NRAP: variants seen among roughly 807,000 people sequenced by gnomAD.
NRAP encodes nebulin related anchoring protein.
NRAP carries 189 observed loss-of-function variants against 225.9 expected under a neutral mutation model. The ratio of observed to expected loss-of-function variants is 0.84; its 90% CI spans 0.74 to 0.94. The LOEUF (loss-of-function observed/expected upper bound fraction) is 0.94, where lower values mean the gene tolerates loss of function less well. Among genes scored for constraint, NRAP ranks in the 40% least tolerant of loss-of-function variants. The pLI, the probability that NRAP is intolerant of heterozygous loss-of-function variation, is 0.00. For missense variants in NRAP, 2,176 were observed against 2,168.7 expected (o/e 1.00, Z -0.07); for synonymous variants, 769 against 790.7 (o/e 0.97, Z 0.46).
Position 113,621,875 on chromosome 10 carries a change from CTG to C in NRAP, c.2761_2762del (p.Gln921GlufsTer2). ...VEWAKKAYGL[Q>X]SDNQYRADVK... The stretch of plus-strand genomic sequence containing the variant: ...ACACTCACACAGAGCTTACATCACT[CTG>C]TAAGCCATAAGCCTTCTTGGCCCAT... On this transcript the variant is annotated frameshift_variant, in exon 24 of 42. Transcript: ENST00000359988. LOFTEE classifies it high-confidence loss of function. The C allele has an allele frequency of 6.2e-7, 1 of 1,608,852 alleles. No individual in the cohort carries two copies. Among genetic ancestry groups the C allele is most frequent in the Non-Finnish European group, 8.5e-7 (1 of 1,176,200 alleles).
chr10:113,651,069 A>T (rs3127111), intron 7 of NRAP, among the ~76,000 whole-genome samples: 83,273 of 152,064 alleles, frequency 0.55, 24,152 homozygotes, highest in East Asian at 0.7. Flanking sequence ...GGCAAGAGAG[A>T]TTTCTCTCAG....
intron 39 of NRAP, 58 bp downstream of exon 39, chr10:113,592,136 C>G: frequency 1.8e-6 from 2 of 1,111,122 alleles, no homozygotes. Context: ...TTCAACAGAA[C>G]TGGGAAAACC....
At chr10:113,608,368 G>T in intron 32 of NRAP, 46 bp downstream of exon 32, 2 of 1,149,450 alleles carry the variant, frequency 1.7e-6, no homozygotes, top group Non-Finnish European at 2.6e-6. Context: ...TTTAACAATC[G>T]AGCAGTTTTT....
intron 35 of NRAP, among the ~76,000 whole-genome samples, chr10:113,601,197 G>A (rs1039617589): frequency 1.3e-5 from 2 of 152,188 alleles, no homozygotes; most frequent in Admixed American, 6.5e-5. Flanking sequence ...GGGCTGGTCC[G>A]AACTGGGCAA....
intron 40 of NRAP, 93 bp downstream of exon 40, chr10:113,590,485 C>T (rs950560671): frequency 3.1e-6 from 4 of 1,285,738 alleles, no homozygotes; most frequent in African/African-American, 1.5e-5. Context: ...CCCAGCTCCC[C>T]CAGAAGCTAA....
At position 113,590,737 on chromosome 10, in the gene NRAP, CTG is replaced by C; in HGVS notation, c.4795_4796del (p.Gln1599ValfsTer22). ...CGGGCTGGTCTGTGCTGCTGTGAAACTGGGACCGACTCTTGGCAAAGTCCTTC... is the reference window on the plus strand; with the variant it reads ...CGGGCTGGTCTGTGCTGCTGTGAAACGGACCGACTCTTGGCAAAGTCCTTC... ...YKKDFAKSRSQFHSSTDQPGL... is the reference protein window; with the variant it reads ...YKKDFAKSRSXFHSSTDQPGL... On this transcript the variant is annotated frameshift_variant, in exon 40 of 42. Coordinates refer to ENST00000359988, the MANE Select transcript of NRAP (RefSeq NM_198060.4). LOFTEE classifies it high-confidence loss of function. 1 of 1,614,236 alleles carries C rather than the reference CTG, an allele frequency of 6.2e-7. No individual in the cohort carries two copies. The highest frequency in any genetic ancestry group is 1.1e-5 in the South Asian group (1 of 91,088).
At chr10:113,633,859 T>G (rs1031279407) in intron 15 of NRAP, among the ~76,000 whole-genome samples, 4 of 152,290 alleles carry the variant, frequency 2.6e-5, no homozygotes, top group Admixed American at 2.0e-4. Context: ...TGAAGCAGGG[T>G]GGCCATGAGT....
At position 113,615,772 on chromosome 10, in the gene NRAP, T is replaced by C. The variant is rs774399237; in HGVS notation, c.3018A>G (p.Thr1006=). The change falls in exon 27 of 42, where the codon ACA becomes ACG. Residue 1006 remains threonine, a synonymous_variant. Coordinates refer to ENST00000359988, the MANE Select transcript of NRAP (RefSeq NM_198060.4). ...EQGENIKHHY[T]PTADLPEVLL... ...GGACTTCAGGGAGGTCAGCAGTCGG[T>C]GTGTAATGATGCTTTATGTTTTCTC... The C allele has an allele frequency of 7.5e-6, 12 of 1,610,594 alleles. No homozygotes were observed. The highest frequency in any genetic ancestry group is 3.3e-4 in the Middle Eastern group (2 of 6,052).
In NRAP at chr10:113,590,817, T is replaced by C; in HGVS notation, c.4717A>G (p.Arg1573Gly). The C allele has an allele frequency of 6.2e-7, 1 of 1,614,226 alleles. No individual in the cohort carries two copies. Among genetic ancestry groups the C allele is most frequent in the African/African-American group, 1.3e-5 (1 of 75,052 alleles). ...IGYRSVDDDP[R>G]MKHFLNVGRL... ...CCAACGTTGAGGAAATGCTTCATCC[T>C]TGGGTCATCGTCGACACTGCGGTAC... Residue 1573 changes from arginine to glycine, a missense_variant, in exon 40 of 42, where the codon AGG (arginine) becomes GGG (glycine). Physicochemically the swap from Arg to Gly is moderately radical, Grantham distance 125 (BLOSUM62 -2). Transcript: ENST00000359988.
At chr10:113,647,051 A>G in intron 9 of NRAP, 24 bp from the exon 10 acceptor site, 1 of 1,460,000 alleles carries the variant, frequency 6.8e-7, no homozygotes, top group South Asian at 1.1e-5. Flanking sequence ...CAAAAACTTC[A>G]GTGAGTAATG....
At chr10:113,617,295 G>A (rs1847724158) in intron 26 of NRAP, among the ~76,000 whole-genome samples, 160 bp downstream of exon 26, 1 of 152,122 alleles carries the variant, frequency 6.6e-6, no homozygotes, top group South Asian at 2.1e-4. Context: ...GCATCCTAAT[G>A]AGGAAGCACC....
intron 38 of NRAP, among the ~76,000 whole-genome samples, chr10:113,594,777 C>T (rs981242539): frequency 2.6e-5 from 4 of 152,232 alleles, no homozygotes; most frequent in South Asian, 2.1e-4. Context: ...AGGCGCCTCT[C>T]GCCAATCCCT....
At chr10:113,652,343 TA>T (rs1373005165) in intron 6 of NRAP, among the ~76,000 whole-genome samples, 4 of 152,122 alleles carry the variant, frequency 2.6e-5, no homozygotes, top group African/African-American at 9.7e-5. Flanking sequence ...GACATCCAGT[TA>T]AAAATTAGTG....
At chr10:113,622,814 C>T (rs562941662) in intron 23 of NRAP, among the ~76,000 whole-genome samples, 9 of 152,256 alleles carry the variant, frequency 5.9e-5, no homozygotes, top group South Asian at 2.1e-4. Flanking sequence ...AGACCAGTGC[C>T]GATTTGTAAA....
At chr10:113,649,285 TAG>T (rs1284664257) in intron 9 of NRAP, among the ~76,000 whole-genome samples, 4 of 152,250 alleles carry the variant, frequency 2.6e-5, no homozygotes, top group African/African-American at 9.6e-5. Context: ...ATATATGTTG[TAG>T]AGAGTCTACT....
intron 37 of NRAP, among the ~76,000 whole-genome samples, chr10:113,596,585 C>T (rs1206551253): frequency 6.6e-6 from 1 of 152,168 alleles, no homozygotes; most frequent in Non-Finnish European, 1.5e-5. Context: ...TTAAATACAG[C>T]TGTTCCTATT....
At chr10:113,592,700 G>A (rs976752790) in intron 38 of NRAP, among the ~76,000 whole-genome samples, 2 of 152,232 alleles carry the variant, frequency 1.3e-5, no homozygotes, top group African/African-American at 4.8e-5. Flanking sequence ...TGCTGAAAGT[G>A]CTGTTCCTTG....
intron 32 of NRAP, 30 bp downstream of exon 32, chr10:113,608,384 G>C: frequency 7.2e-7 from 1 of 1,390,246 alleles, no homozygotes; most frequent in Non-Finnish European, 1.0e-6. Flanking sequence ...TTTTTAAAAA[G>C]ACCATTCCAA....
chr10:113,629,707 T>C lies in NRAP; in HGVS notation c.1921A>G (p.Lys641Glu), dbSNP rs1410677807. ...PMDMVNIRHAKKAQTLASDLD... is the reference protein window; with the variant it reads ...PMDMVNIRHAEKAQTLASDLD... ...TCACTGGCGAGAGTTTGGGCCTTCT[T>C]AGCATGCCTGATGTTTACCATATCC... Residue 641 changes from lysine to glutamate, a missense_variant, in exon 19 of 42, where the codon AAG (lysine) becomes GAG (glutamate). Around this residue, in one of 3 missense-constraint regions of NRAP, gnomAD observed 1,708 missense variants for 1,695.5 expected, o/e 1.01. Transcript: ENST00000359988. 9 of 1,613,788 alleles carry C rather than the reference T, an allele frequency of 5.6e-6. No homozygotes were observed. In the Admixed American group the frequency reaches 1.5e-4, roughly 27 times the overall value.
Sources: gnomAD v4.1 joint callset for allele counts (sites outside exome capture counted in the v4.1 genomes callset) on GRCh38, gnomAD v4.1.1 for gene constraint, gnomAD v4.1.1 regional missense constraint, MANE v1.5 for transcripts, NCBI Gene and HGNC (gene_info 2026-07-23, HGNC 2026-07-21) for gene names.